Variants in FER observed in about 807,000 individuals in gnomAD.
The protein encoded by FER is FER tyrosine kinase, also known as tyrosine-protein kinase Fer.
Under a neutral mutation model 111.0 loss-of-function variants are expected in FER, and 63 were observed. That is an observed-to-expected ratio of 0.57 (90% CI 0.46 to 0.70). The LOEUF is 0.70. Among genes scored for constraint, FER ranks in the 30% least tolerant of loss-of-function variants. The pLI is 0.00. For missense variants in FER, 914 were observed against 954.0 expected (o/e 0.96, Z 0.55); for synonymous variants, 327 against 313.9 (o/e 1.04, Z -0.44).
At chr5:108,804,036 G>A (rs754801887) in intron 3 of FER, among the ~76,000 whole-genome samples, 1 of 151,866 alleles carries the variant, frequency 6.6e-6, no homozygotes, top group East Asian at 1.9e-4. Flanking sequence ...CTTCTTATAG[G>A]GATCTTTTAT....
In FER at chr5:109,037,473, G is replaced by A. The variant is rs772106782; in HGVS notation, c.1708G>A (p.Gly570Ser). 6.2e-7 allele frequency: 1 copy of A among 1,611,282 alleles called. No homozygotes were observed. Reference protein sequence around the residue: ...HEDVILGELLGKGNFGEVYKG... With the variant: ...HEDVILGELLSKGNFGEVYKG... ...AGATGTCATATTGGGAGAATTACTG[G>A]GCAAGGTATGTAATCAACTGAGCTA... Residue 570 changes from glycine (G) to serine (S), a missense_variant, in exon 14 of 20, where the codon GGC (glycine) becomes AGC (serine). Physicochemically the swap from Gly to Ser is moderately conservative, Grantham distance 56. This residue lies in a region of FER where 774 missense variants were observed against 782.6 expected (regional missense o/e 0.99). Transcript: ENST00000281092.
At chr5:108,892,301 G>A (rs55909910) in intron 9 of FER, among the ~76,000 whole-genome samples, 3,230 of 152,066 alleles carry the variant, frequency 0.021, 108 homozygotes, top group African/African-American at 0.074. Flanking sequence ...AAGTGTTCCT[G>A]TTTCTCCACA....
chr5:108,949,741 C>G lies in FER; in HGVS notation c.1329+3519C>G, dbSNP rs1035522753. Among the ~76,000 whole-genome samples, 3 of 151,934 alleles carry G rather than the reference C, an allele frequency of 2.0e-5. No individual in the cohort carries two copies. The East Asian group carries it at 5.8e-4, about 29-fold the overall frequency. On this transcript the variant is annotated intron_variant, in intron 11 of 19. Coordinates refer to ENST00000281092, the MANE Select transcript of FER (RefSeq NM_005246.4). ...AATGATCTGGTAGTAGTTTTAGTTG[C>G]AATGTGTGATAAGATTTTAGCATTG...
At chr5:109,182,560 T>C (rs1758393614) in intron 18 of FER, among the ~76,000 whole-genome samples, 2 of 152,204 alleles carry the variant, frequency 1.3e-5, no homozygotes, top group East Asian at 1.9e-4. Context: ...AGGTTTTTGT[T>C]AGATGACAAA....
At chr5:108,951,978 T>C (rs2149645686) in intron 11 of FER, among the ~76,000 whole-genome samples, 1 of 152,272 alleles carries the variant, frequency 6.6e-6, no homozygotes, top group South Asian at 2.1e-4. Context: ...TGCCTTTTCA[T>C]ATAAAATAAT....
intron 10 of FER, among the ~76,000 whole-genome samples, chr5:108,940,131 G>A (rs1445985185): frequency 1.3e-5 from 2 of 152,014 alleles, no homozygotes; most frequent in East Asian, 1.9e-4. Context: ...TGAGACATTT[G>A]GCCTTTAACC....
intron 13 of FER, among the ~76,000 whole-genome samples, chr5:109,008,798 C>T (rs939019008): frequency 6.6e-5 from 10 of 151,980 alleles, no homozygotes; most frequent in African/African-American, 2.4e-4. Context: ...TGGAGAAACC[C>T]TGTCTCTACT....
intron 13 of FER, among the ~76,000 whole-genome samples, chr5:109,018,599 T>C (rs1451069247): frequency 2.0e-5 from 3 of 151,782 alleles, no homozygotes; most frequent in African/African-American, 7.2e-5. Flanking sequence ...TCCATTTCCT[T>C]ATCTGTAAAT....
intron 16 of FER, among the ~76,000 whole-genome samples, chr5:109,081,518 A>G (rs1442068202): frequency 2.0e-5 from 3 of 152,042 alleles, no homozygotes; most frequent in African/African-American, 7.2e-5. Context: ...TCTAATAGAA[A>G]ATCTCCAAAT....
At chr5:109,099,522 G>C (rs1747947749) in intron 16 of FER, among the ~76,000 whole-genome samples, 2 of 151,282 alleles carry the variant, frequency 1.3e-5, no homozygotes, top group African/African-American at 2.4e-5. Context: ...TCTAAATTGA[G>C]ATGTATCATA....
intron 13 of FER, among the ~76,000 whole-genome samples, chr5:109,032,446 C>G (rs566943397): frequency 6.6e-6 from 1 of 152,136 alleles, no homozygotes; most frequent in East Asian, 1.9e-4. Context: ...TCTCTTTTTC[C>G]TTCTGTTCCT....
At chr5:108,867,686 G>A in intron 5 of FER, 81 bp from the exon 6 acceptor site, 1 of 1,286,096 alleles carries the variant, frequency 7.8e-7, no homozygotes, top group Non-Finnish European at 1.1e-6. Context: ...TAAAACAGTA[G>A]TAATTCAGTT....
chr5:109,138,832 G>A (rs991320034), intron 17 of FER, among the ~76,000 whole-genome samples: 8 of 152,212 alleles, frequency 5.3e-5, no homozygotes, highest in African/African-American at 1.2e-4. Context: ...CCAAGGAAGG[G>A]GTTGAATAGT....
intron 18 of FER, 131 bp from the exon 19 acceptor site, chr5:109,186,069 T>C: frequency 7.8e-7 from 1 of 1,277,618 alleles, no homozygotes; most frequent in East Asian, 2.3e-5. Flanking sequence ...GGGACCACTG[T>C]CATATATGTG....
chr5:108,959,406 A>G, intron 13 of FER, 59 bp downstream of exon 13: 1 of 1,509,276 alleles, frequency 6.6e-7, no homozygotes, highest in Non-Finnish European at 8.9e-7. Flanking sequence ...GTGAGTTAAC[A>G]TTTCCAACAG....
intron 3 of FER, among the ~76,000 whole-genome samples, chr5:108,815,001 A>G (rs926061172): frequency 2.0e-5 from 3 of 152,094 alleles, no homozygotes; most frequent in African/African-American, 4.8e-5. Flanking sequence ...ACTTTTTGGC[A>G]TAAGAAGATA....
At chr5:109,134,748 C>G (rs1752715233) in intron 17 of FER, among the ~76,000 whole-genome samples, 1 of 152,078 alleles carries the variant, frequency 6.6e-6, no homozygotes, top group South Asian at 2.1e-4. Context: ...GCAGGAACAG[C>G]ATGTAAATGC....
chr5:109,187,668 C>G lies in FER; in HGVS notation c.*93C>G, dbSNP rs1759033616. The G allele has an allele frequency of 1.4e-6, 2 of 1,392,490 alleles. No individual in the cohort carries two copies. Among genetic ancestry groups the G allele is most frequent in the Admixed American group, 4.3e-5 (2 of 46,244 alleles). 86.3% of individuals were successfully genotyped at this position (1,392,490 alleles called of 1,614,324 possible). A position where few individuals can be genotyped will look rare whatever the true frequency, so the allele number is the denominator to read the frequency against. On this transcript the variant is annotated 3_prime_UTR_variant, in exon 20 of 20. Coordinates refer to ENST00000281092, the MANE Select transcript of FER (RefSeq NM_005246.4). ...TTAACAATGAATTTATACCACATTA[C>G]CTTCGACAGTCTTCTACCATTATTT...
rs76055228 is a variant in FER, at chr5:109,054,286, C to T, written c.1924+7088C>T. ...GATAGTTTCAGTTCCTCCCCATCGTCGTCAGCACTTACTTGGCCTGGTTAG... is the reference window on the plus strand; with the variant it reads ...GATAGTTTCAGTTCCTCCCCATCGTTGTCAGCACTTACTTGGCCTGGTTAG... On this transcript the variant is annotated intron_variant, in intron 16 of 19. Transcript: ENST00000281092. Among the ~76,000 whole-genome samples the T allele has an allele frequency of 9.8e-3, 1,496 of 152,298 alleles. 19 individuals are homozygous for T. Among genetic ancestry groups the T allele is most frequent in the African/African-American group, 0.034 (1,419 of 41,568 alleles).
Sources: allele counts gnomAD v4.1 joint callset (sites outside exome capture counted in the v4.1 genomes callset), GRCh38; gene constraint gnomAD v4.1.1; regional missense constraint gnomAD v4.1.1; transcripts MANE v1.5; gene names NCBI Gene and HGNC (gene_info 2026-07-23, HGNC 2026-07-21).